PTPRD: variants seen among roughly 807,000 people sequenced by gnomAD.
PTPRD encodes the protein receptor-type tyrosine-protein phosphatase delta.
A neutral mutation model predicts 214.5 loss-of-function variants in PTPRD; 34 were observed. That is an observed-to-expected ratio of 0.16 (90% CI 0.12 to 0.21). The LOEUF is 0.21. Among genes scored for constraint, PTPRD ranks in the 10% least tolerant of loss-of-function variants. The pLI, the probability that PTPRD is intolerant of heterozygous loss-of-function variation, is 1.00. For synonymous variants in PTPRD, 1,128 were observed against 845.7 expected (o/e 1.33, Z -5.79); for missense variants, 2,545 against 2,398.7 (o/e 1.06, Z -1.27).
chr9:8,836,084 C>T (rs563416588), intron 11 of PTPRD, among the ~76,000 whole-genome samples: 2 of 152,156 alleles, frequency 1.3e-5, no homozygotes, highest in African/African-American at 4.8e-5. Flanking sequence ...CAACATCGTC[C>T]GAATGCCACT....
chr9:9,887,923 G>T (rs973482918), intron 5 of PTPRD, among the ~76,000 whole-genome samples: 2 of 152,020 alleles, frequency 1.3e-5, no homozygotes, highest in African/African-American at 4.8e-5. Context: ...TCTAATGGAG[G>T]GAGATAATAC....
chr9:8,663,089 T>C (rs186403489), intron 12 of PTPRD, among the ~76,000 whole-genome samples: 40 of 152,284 alleles, frequency 2.6e-4, no homozygotes, highest in African/African-American at 8.2e-4. Flanking sequence ...CTTTTTATTT[T>C]ATCAAATAAA....
chr9:9,258,755 C>A (rs1275366032), intron 9 of PTPRD, among the ~76,000 whole-genome samples: 1 of 151,842 alleles, frequency 6.6e-6, no homozygotes, highest in Non-Finnish European at 1.5e-5. Flanking sequence ...AGCAAATACA[C>A]TGTACTGAGA....
At chr9:9,750,556 G>A (rs2098506859) in intron 6 of PTPRD, among the ~76,000 whole-genome samples, 1 of 152,070 alleles carries the variant, frequency 6.6e-6, no homozygotes, top group African/African-American at 2.4e-5. Flanking sequence ...AAAGCAAAGG[G>A]TGAGCCCAAC....
chr9:9,342,396 G>T (rs938102929), intron 9 of PTPRD, among the ~76,000 whole-genome samples: 1 of 152,064 alleles, frequency 6.6e-6, no homozygotes, highest in Non-Finnish European at 1.5e-5. Flanking sequence ...ATGATACAGG[G>T]TTAAAAGGAA....
intron 35 of PTPRD, among the ~76,000 whole-genome samples, chr9:8,406,934 C>T (rs1223912524): frequency 6.6e-6 from 1 of 152,174 alleles, no homozygotes; most frequent in Non-Finnish European, 1.5e-5. Context: ...ACGTACAGTG[C>T]TCCCTCTGAT....
At chr9:9,703,072 C>G (rs963363904) in intron 7 of PTPRD, among the ~76,000 whole-genome samples, 1 of 152,154 alleles carries the variant, frequency 6.6e-6, no homozygotes, top group Non-Finnish European at 1.5e-5. Flanking sequence ...GAGGGAAGAA[C>G]TGATAAGAGG....
intron 11 of PTPRD, among the ~76,000 whole-genome samples, chr9:8,856,219 C>T (rs921554525): frequency 1.3e-5 from 2 of 151,936 alleles, no homozygotes; most frequent in Non-Finnish European, 2.9e-5. Context: ...ATTATCTCTA[C>T]AGATCCCTTT....
intron 2 of PTPRD, among the ~76,000 whole-genome samples, chr9:10,390,242 C>T (rs571472499): frequency 1.3e-5 from 2 of 151,826 alleles, no homozygotes; most frequent in South Asian, 4.1e-4. Flanking sequence ...AAAAGACAAC[C>T]AAAATCATAC....
chr9:9,699,002 T>C (rs746439479), intron 7 of PTPRD, among the ~76,000 whole-genome samples: 4 of 152,200 alleles, frequency 2.6e-5, no homozygotes, highest in Non-Finnish European at 5.9e-5. Context: ...ACGATTGTCT[T>C]TGGCATGACT....
chr9:10,149,505 G>C (rs913954976), intron 3 of PTPRD, among the ~76,000 whole-genome samples: 2 of 152,120 alleles, frequency 1.3e-5, no homozygotes, highest in Admixed American at 1.3e-4. Context: ...ATTTAGGCAA[G>C]GCACTGCCCT....
rs549892108 is a variant in PTPRD at position 10,287,679 on chromosome 9, C to T, written c.-545+53284G>A. ...TCTTCTACTGGGCAGGATTTTCTTG[C>T]TTATCCTTTCTGTTTAGGCTTCAGG... On this transcript the variant is annotated intron_variant, in intron 3 of 45. Transcript: ENST00000381196. 2.0e-3 allele frequency among the ~76,000 whole-genome samples: 302 copies of T among 152,194 alleles called. 1 individual carries two copies. The highest frequency in any genetic ancestry group is 0.013 in the South Asian group (62 of 4,818).
intron 11 of PTPRD, among the ~76,000 whole-genome samples, chr9:8,777,903 C>G (rs1024774856): frequency 1.3e-5 from 2 of 152,156 alleles, no homozygotes; most frequent in Non-Finnish European, 2.9e-5. Flanking sequence ...CCATGAAAAA[C>G]ATCCTCTATA....
At chr9:10,265,393 C>A (rs1300734609) in intron 3 of PTPRD, among the ~76,000 whole-genome samples, 3 of 152,140 alleles carry the variant, frequency 2.0e-5, no homozygotes, top group Non-Finnish European at 4.4e-5. Context: ...TTGGCCCACC[C>A]GCCAGCTGAC....
chr9:9,050,411 T>C (rs1053513171), intron 10 of PTPRD, among the ~76,000 whole-genome samples: 11 of 152,176 alleles, frequency 7.2e-5, no homozygotes, highest in African/African-American at 2.7e-4. Flanking sequence ...TTATATTACA[T>C]GGTCTCTCAA....
intron 9 of PTPRD, among the ~76,000 whole-genome samples, chr9:9,296,329 G>C (rs1368572502): frequency 6.6e-6 from 1 of 151,712 alleles, no homozygotes; most frequent in East Asian, 2.0e-4. Flanking sequence ...CTAGGAAATG[G>C]ACATCATTAG....
intron 6 of PTPRD, among the ~76,000 whole-genome samples, chr9:9,752,211 G>C (rs972697965): frequency 6.6e-6 from 1 of 152,010 alleles, no homozygotes; most frequent in African/African-American, 2.4e-5. Context: ...TGAATTTAAA[G>C]TATCTATGCC....
intron 11 of PTPRD, among the ~76,000 whole-genome samples, chr9:8,823,401 T>C (rs1354994022): frequency 1.3e-5 from 2 of 152,212 alleles, no homozygotes; most frequent in East Asian, 1.9e-4. Context: ...CCACCTTGCA[T>C]GCTTCATGGA....
chr9:8,631,538 T>C (rs769747427), intron 14 of PTPRD, among the ~76,000 whole-genome samples: 2 of 151,820 alleles, frequency 1.3e-5, no homozygotes, highest in Admixed American at 1.3e-4. Context: ...TGGGTGTCTG[T>C]TGCACACTCT....
Sources: allele counts gnomAD v4.1 joint callset (sites outside exome capture counted in the v4.1 genomes callset), GRCh38; gene constraint gnomAD v4.1.1; transcripts MANE v1.5; gene names NCBI Gene and HGNC (gene_info 2026-07-23, HGNC 2026-07-21).